The following CDYL2 variants were observed in gnomAD, a reference collection of about 807,000 sequenced individuals.
CDYL2 encodes the protein chromodomain Y-like protein 2.
Under a neutral mutation model 49.4 loss-of-function variants are expected in CDYL2, and 23 were observed. That is an observed-to-expected ratio of 0.47 (90% CI 0.34 to 0.66). CDYL2 has a LOEUF of 0.66. Among genes scored for constraint, CDYL2 ranks in the 30% least tolerant of loss-of-function variants. The probability of loss-of-function intolerance (pLI) is 0.01; values close to 1 mark genes in which losing one functional copy is unlikely to be tolerated. For synonymous variants in CDYL2, 360 were observed against 268.8 expected (o/e 1.34, Z -3.32); for missense variants, 678 against 656.4 (o/e 1.03, Z -0.36).
chr16:80,646,887 A>G (rs1196839841), intron 2 of CDYL2, among the ~76,000 whole-genome samples: 1 of 120,266 alleles, frequency 8.3e-6, no homozygotes, highest in Non-Finnish European at 1.6e-5. Context: ...AAAGACAAAT[A>G]GACTGAAAAA....
chr16:80,692,616 T>A (rs928367395), intron 1 of CDYL2, among the ~76,000 whole-genome samples: 1 of 152,268 alleles, frequency 6.6e-6, no homozygotes, highest in African/African-American at 2.4e-5. Flanking sequence ...GTAATCATTG[T>A]AATTATGACA....
At chr16:80,685,165 G>GAGAGGGAGGAAAAA in intron 1 of CDYL2, 36 bp from the exon 2 acceptor site, 1 of 1,535,172 alleles carries the variant, frequency 6.5e-7, no homozygotes, top group African/African-American at 1.4e-5. Flanking sequence ...AAAACAGAGA[G>GAGAGGGAGGAAAAA]AGAGGGAGGA....
At chr16:80,678,805 A>G (rs1418940054) in intron 2 of CDYL2, among the ~76,000 whole-genome samples, 1 of 151,238 alleles carries the variant, frequency 6.6e-6, no homozygotes, top group Non-Finnish European at 1.5e-5. Flanking sequence ...ATAAAGACAC[A>G]TGCACACGTA....
At position 80,704,318 on chromosome 16, in the gene CDYL2, G is replaced by A. The variant is rs183393129; in HGVS notation, c.25-19189C>T. ...AAATACAACACTCCAGGCAGCCACA[G>A]CTATTCTCTCAGAACCAATACCAAA... On this transcript the variant is annotated intron_variant, in intron 1 of 6. Transcript: ENST00000570137. 6.6e-5 allele frequency among the ~76,000 whole-genome samples: 10 copies of A among 152,330 alleles called. No individual in the cohort carries two copies. In the East Asian group the frequency reaches 1.7e-3, roughly 26 times the overall value.
chr16:80,765,286 T>C (rs1906681836), intron 1 of CDYL2, among the ~76,000 whole-genome samples: 1 of 151,374 alleles, frequency 6.6e-6, no homozygotes, highest in Non-Finnish European at 1.5e-5. Flanking sequence ...GAAACAAACA[T>C]TTATTCAATC....
intron 1 of CDYL2, among the ~76,000 whole-genome samples, chr16:80,724,749 G>C (rs1394271588): frequency 2.0e-5 from 3 of 152,174 alleles, no homozygotes; most frequent in South Asian, 2.1e-4. Context: ...CACTAACACT[G>C]TGAATTACAT....
rs990921447 is a variant in CDYL2, at chr16:80,603,792, T to C, written c.*596A>G. The C allele has an allele frequency of 6.5e-6, 1 of 152,672 alleles. No homozygotes were observed. Among genetic ancestry groups the C allele is most frequent in the Non-Finnish European group, 1.5e-5 (1 of 68,074 alleles). 9.5% of individuals were successfully genotyped at this position (152,672 alleles called of 1,614,324 possible). A position where few individuals can be genotyped will look rare whatever the true frequency, so the allele number is the denominator to read the frequency against. ...ACTTACATTGTTTTAAAAATATATA[T>C]TTAACAAAACATTTCTAAATGTACA... On this transcript the variant is annotated 3_prime_UTR_variant, in exon 7 of 7. Transcript: ENST00000570137.
intron 3 of CDYL2, among the ~76,000 whole-genome samples, chr16:80,621,692 C>G (rs1372685349): frequency 1.3e-5 from 2 of 152,272 alleles, no homozygotes; most frequent in Non-Finnish European, 2.9e-5. Context: ...TTTGTTCCTC[C>G]TCTTCATGCC....
chr16:80,606,005 C>T (rs1370309263), intron 6 of CDYL2, among the ~76,000 whole-genome samples: 2 of 152,254 alleles, frequency 1.3e-5, no homozygotes, highest in African/African-American at 4.8e-5. Context: ...CGCCCTCTGG[C>T]AGACGTTACA....
rs184135658 is a variant in CDYL2 at position 80,753,342 on chromosome 16, C to T, written c.24+50808G>A. Among the ~76,000 whole-genome samples the T allele has an allele frequency of 3.3e-5, 5 of 152,232 alleles. No individual in the cohort carries two copies. The East Asian group carries it at 9.6e-4, about 29-fold the overall frequency. Reference sequence around the variant, plus strand: ...ATCAATTCCAGGCCGGGCACGGTGGCTCACACCTGTAACCCCAGCATTTTG... The same window carrying T: ...ATCAATTCCAGGCCGGGCACGGTGGTTCACACCTGTAACCCCAGCATTTTG... On this transcript the variant is annotated intron_variant, in intron 1 of 6. Coordinates refer to ENST00000570137, the MANE Select transcript of CDYL2 (RefSeq NM_152342.4).
chr16:80,693,012 A>G (rs1309809335), intron 1 of CDYL2, among the ~76,000 whole-genome samples: 1 of 151,968 alleles, frequency 6.6e-6, no homozygotes, highest in Non-Finnish European at 1.5e-5. Context: ...ACACACAACA[A>G]TTTGGAAGAA....
chr16:80,711,370 A>C (rs1356152309), intron 1 of CDYL2, among the ~76,000 whole-genome samples: 1 of 152,212 alleles, frequency 6.6e-6, no homozygotes, highest in Non-Finnish European at 1.5e-5. Flanking sequence ...AGGGAAGCAG[A>C]CGTTGACAGC....
intron 1 of CDYL2, among the ~76,000 whole-genome samples, chr16:80,733,589 C>T (rs2142541970): frequency 6.6e-6 from 1 of 152,232 alleles, no homozygotes; most frequent in Admixed American, 6.5e-5. Context: ...GGAGAAATGC[C>T]TGAGCAAGAG....
chr16:80,679,042 C>T (rs1024173655), intron 2 of CDYL2, among the ~76,000 whole-genome samples: 1 of 142,412 alleles, frequency 7.0e-6, no homozygotes, highest in African/African-American at 2.7e-5. Flanking sequence ...TATTCTCACT[C>T]ATAGGTGGGA....
intron 2 of CDYL2, among the ~76,000 whole-genome samples, chr16:80,679,212 T>C (rs1037325507): frequency 2.6e-5 from 4 of 151,806 alleles, no homozygotes; most frequent in Non-Finnish European, 5.9e-5. Context: ...TGTATACATA[T>C]GTAACTAACC....
At chr16:80,656,924 G>A (rs912136327) in intron 2 of CDYL2, among the ~76,000 whole-genome samples, 1 of 152,188 alleles carries the variant, frequency 6.6e-6, no homozygotes, top group Non-Finnish European at 1.5e-5. Flanking sequence ...GAAGTGAGCT[G>A]TCCACCCTGA....
chr16:80,772,774 T>C (rs1906950006), intron 1 of CDYL2, among the ~76,000 whole-genome samples: 1 of 152,066 alleles, frequency 6.6e-6, no homozygotes, highest in African/African-American at 2.4e-5. Flanking sequence ...AAAATTAGAA[T>C]TTAACTCAAG....
intron 1 of CDYL2, among the ~76,000 whole-genome samples, chr16:80,764,887 C>T (rs1459116919): frequency 1.3e-5 from 2 of 151,252 alleles, no homozygotes; most frequent in Non-Finnish European, 2.9e-5. Flanking sequence ...GGCGAAACCC[C>T]GTCTCTACTA....
intron 1 of CDYL2, among the ~76,000 whole-genome samples, chr16:80,774,939 C>G (rs570030149): frequency 6.6e-6 from 1 of 151,482 alleles, no homozygotes; most frequent in Non-Finnish European, 1.5e-5. Flanking sequence ...GTAGGACTTA[C>G]TCTAAGACAC....
Sources: gnomAD v4.1 joint callset for allele counts (sites outside exome capture counted in the v4.1 genomes callset) on GRCh38, gnomAD v4.1.1 for gene constraint, MANE v1.5 for transcripts, NCBI Gene and HGNC (gene_info 2026-07-23, HGNC 2026-07-21) for gene names.